The following MRPS11 variants were observed in gnomAD, a reference collection of about 807,000 sequenced individuals.
MRPS11 encodes mitochondrial ribosomal protein S11, also known as small ribosomal subunit protein uS11m.
A neutral mutation model predicts 24.3 loss-of-function variants in MRPS11; 27 were observed. The ratio of observed to expected loss-of-function variants is 1.11; its 90% CI spans 0.82 to 1.53. The LOEUF is 1.53. Among genes scored for constraint, MRPS11 ranks in the 40% most tolerant of loss-of-function variants. The probability of loss-of-function intolerance (pLI) is 0.00; values close to 1 mark genes in which losing one functional copy is unlikely to be tolerated. For synonymous variants in MRPS11, 104 were observed against 98.7 expected, an observed-to-expected ratio of 1.05 and a Z score of -0.32; for missense variants, 277 against 256.5, an observed-to-expected ratio of 1.08 and a Z score of -0.55.
At chr15:88,474,859 T>A (rs1280114845) in intron 3 of MRPS11, among the ~76,000 whole-genome samples, 1 of 152,248 alleles carries the variant, frequency 6.6e-6, no homozygotes, top group Non-Finnish European at 1.5e-5. Context: ...GATACTTAAC[T>A]AACTACTCTC....
intron 3 of MRPS11, among the ~76,000 whole-genome samples, chr15:88,474,033 A>G (rs1418814715): frequency 6.6e-6 from 1 of 152,126 alleles, no homozygotes; most frequent in Non-Finnish European, 1.5e-5. Context: ...AAAATTAGCC[A>G]GGCGTGGTGG....
rs764489521 is a variant in MRPS11 at position 88,477,928 on chromosome 15, C to T, written c.534C>T (p.Asn178=). 6.1e-5 allele frequency: 98 copies of T among 1,614,086 alleles called. No individual in the cohort carries two copies. The highest frequency in any genetic ancestry group is 7.6e-5 in the Non-Finnish European group (90 of 1,180,044). Residue 178 remains asparagine, a synonymous_variant, in exon 6 of 6, where the codon AAC becomes AAT. Coordinates refer to ENST00000325844, the MANE Select transcript of MRPS11 (RefSeq NM_022839.5). The surrounding 1 kb of genome is among the most constrained non-coding windows in gnomAD (Gnocchi z 5.7). ...GGLEVISITD[N]TPIPHNGCRP... is the part of the protein sequence containing the mutation. ...TGGAAGTGATCTCAATCACAGACAA[C>T]ACCCCAATCCCACACAACGGCTGCC...
At chr15:88,473,800 T>C (rs142780721) in intron 3 of MRPS11, among the ~76,000 whole-genome samples, 1 of 152,300 alleles carries the variant, frequency 6.6e-6, no homozygotes, top group East Asian at 1.9e-4. Flanking sequence ...AGACCAGAAA[T>C]AGGATGATGA....
chr15:88,476,042 C>T (rs2055816304), intron 4 of MRPS11, among the ~76,000 whole-genome samples: 1 of 152,180 alleles, frequency 6.6e-6, no homozygotes, highest in African/African-American at 2.4e-5. Context: ...ATCGTGGGGA[C>T]TCATGCAATA....
Position 88,476,978 on chromosome 15 carries a change from C to G in MRPS11, c.412-11C>G. On this transcript the variant is annotated splice_polypyrimidine_tract_variant and intron_variant, in intron 4 of 5. Transcript: ENST00000325844. ...TCTCTCCGGGGCACTAACCACTCTGCTTCTCTCCAGAGAGCTAAACAAAAG... is the reference window on the plus strand; with the variant it reads ...TCTCTCCGGGGCACTAACCACTCTGGTTCTCTCCAGAGAGCTAAACAAAAG... The G allele has an allele frequency of 1.2e-6, 2 of 1,612,418 alleles. No individual in the cohort carries two copies. Among genetic ancestry groups the G allele is most frequent in the South Asian group, 1.1e-5 (1 of 90,610 alleles).
At chr15:88,474,416 AG>A (rs1393653148) in intron 3 of MRPS11, among the ~76,000 whole-genome samples, 4 of 152,104 alleles carry the variant, frequency 2.6e-5, no homozygotes, top group Non-Finnish European at 2.9e-5. Context: ...AAAATTAGCC[AG>A]GCATGGTGGT....
At chr15:88,470,206 C>G (rs910791515) in intron 2 of MRPS11, among the ~76,000 whole-genome samples, 1 of 151,812 alleles carries the variant, frequency 6.6e-6, no homozygotes. Context: ...TCCCAGCTAC[C>G]CAGGACGCTG....
At chr15:88,473,273 G>C (rs931206097) in intron 3 of MRPS11, among the ~76,000 whole-genome samples, 1 of 152,216 alleles carries the variant, frequency 6.6e-6, no homozygotes, top group Non-Finnish European at 1.5e-5. Context: ...GTGGCTTACA[G>C]ACGGGGACAG....
In MRPS11 at chr15:88,475,501, A is replaced by G. The variant is rs1340416900; in HGVS notation, c.411+262A>G. ...CAAGATACCAAAGGCTTGAGAACCA[A>G]AGACCCCTCAATTTAAAAACCGTTA... On this transcript the variant is annotated intron_variant, in intron 4 of 5. Transcript: ENST00000325844. This position sits in a 1 kb window ranked among gnomAD's most constrained non-coding sequence, Gnocchi z 4.1. 6.6e-6 allele frequency among the ~76,000 whole-genome samples: 1 copy of G among 152,182 alleles called. No homozygotes were observed.
chr15:88,477,377 G>T lies in MRPS11; in HGVS notation c.477+323G>T, dbSNP rs1190816055. 6.6e-6 allele frequency among the ~76,000 whole-genome samples: 1 copy of T among 152,232 alleles called. No individual in the cohort carries two copies. Among genetic ancestry groups the T allele is most frequent in the Non-Finnish European group, 1.5e-5 (1 of 68,046 alleles). On this transcript the variant is annotated intron_variant, in intron 5 of 5. Transcript: ENST00000325844. The surrounding 1 kb of genome is among the most constrained non-coding windows in gnomAD (Gnocchi z 5.7). ...AAAGCATGTGCCCAGATCGCTGGGA[G>T]CCCATCAGGGGATCCCGAACCTAGC... is the stretch of plus-strand genomic sequence containing the variant.
In MRPS11 at chr15:88,478,099, G is replaced by A; in HGVS notation, c.*120G>A. 1.3e-6 allele frequency: 1 copy of A among 798,516 alleles called. No individual in the cohort carries two copies. Among genetic ancestry groups the A allele is most frequent in the Non-Finnish European group, 2.1e-6 (1 of 482,526 alleles). The allele number at this position is 798,516 out of a possible 1,614,324, so 49.5% of individuals were successfully genotyped here. On this transcript the variant is annotated 3_prime_UTR_variant, in exon 6 of 6. Coordinates refer to ENST00000325844, the MANE Select transcript of MRPS11 (RefSeq NM_022839.5). This position sits in a 1 kb window ranked among gnomAD's most constrained non-coding sequence, Gnocchi z 4.7. ...GTTGGAGATCCTTCAGGCAGTAAGG[G>A]AGAGTTTTGCCTCCTTACACAGTGG...
At chr15:88,472,454 A>T (rs1376399912) in intron 2 of MRPS11, 173 bp from the exon 3 acceptor site, 1 of 575,234 alleles carries the variant, frequency 1.7e-6, no homozygotes, top group Non-Finnish European at 3.1e-6. Flanking sequence ...CATCATAAGC[A>T]CAGCAGTCAC....
chr15:88,472,275 A>G (rs1192314220), intron 2 of MRPS11: 2 of 171,692 alleles, frequency 1.2e-5, no homozygotes, highest in African/African-American at 7.8e-5. Context: ...TAAGAAACAG[A>G]GGTTTGACTG....
chr15:88,468,100 C>A, intron 2 of MRPS11, 76 bp downstream of exon 2: 1 of 1,520,328 alleles, frequency 6.6e-7, no homozygotes, highest in Non-Finnish European at 8.9e-7. Flanking sequence ...GAGTCAGAAC[C>A]AGTGAATTTT....
rs952044616 is a variant in MRPS11 at position 88,468,045 on chromosome 15, C to T, written c.182+21C>T. Reference sequence around the variant, plus strand: ...TTCAGGTGAGCCCCACTTGGACCAGCCCTCTGGAGACCCGCAACCCCTGAC... The same window carrying T: ...TTCAGGTGAGCCCCACTTGGACCAGTCCTCTGGAGACCCGCAACCCCTGAC... On this transcript the variant is annotated intron_variant, in intron 2 of 5. Coordinates refer to ENST00000325844, the MANE Select transcript of MRPS11 (RefSeq NM_022839.5). 3.7e-5 allele frequency: 58 copies of T among 1,587,274 alleles called. No individual in the cohort carries two copies. In the East Asian group the frequency reaches 1.3e-3, roughly 36 times the overall value.
At chr15:88,468,169 C>T (rs1359515371) in intron 2 of MRPS11, 145 bp downstream of exon 2, 14 of 1,452,496 alleles carry the variant, frequency 9.6e-6, no homozygotes, top group Admixed American at 5.3e-5. Context: ...CCTCAGCCTT[C>T]TCATCTAAAA....
intron 3 of MRPS11, among the ~76,000 whole-genome samples, chr15:88,474,010 C>G (rs2055769214): frequency 6.6e-6 from 1 of 152,018 alleles, no homozygotes; most frequent in Non-Finnish European, 1.5e-5. Context: ...GACCCAGTCT[C>G]TAAAGAAATA....
chr15:88,475,523 G>A lies in MRPS11; in HGVS notation c.411+284G>A, dbSNP rs534493488. ...CCAAAGACCCCTCAATTTAAAAACC[G>A]TTAGCCAGGTCTGGTGGCACCTGCC... On this transcript the variant is annotated intron_variant, in intron 4 of 5. Coordinates refer to ENST00000325844, the MANE Select transcript of MRPS11 (RefSeq NM_022839.5). This position sits in a 1 kb window ranked among gnomAD's most constrained non-coding sequence, Gnocchi z 4.1. Among the ~76,000 whole-genome samples, 4 of 152,274 alleles carry A rather than the reference G, an allele frequency of 2.6e-5. No individual in the cohort carries two copies. Among genetic ancestry groups the A allele is most frequent in the African/African-American group, 9.6e-5 (4 of 41,526 alleles).
chr15:88,472,471 G>T, intron 2 of MRPS11, 156 bp from the exon 3 acceptor site: 1 of 597,358 alleles, frequency 1.7e-6, no homozygotes, highest in Non-Finnish European at 3.0e-6. Context: ...TCACACATGC[G>T]GTGGTGGCAC....
Sources: gnomAD v4.1 joint callset for allele counts (sites outside exome capture counted in the v4.1 genomes callset) on GRCh38, gnomAD v4.1.1 for gene constraint, Gnocchi (gnomAD v3.1) non-coding constraint, MANE v1.5 for transcripts, NCBI Gene and HGNC (gene_info 2026-07-23, HGNC 2026-07-21) for gene names.